STAB2: variants seen among roughly 807,000 people sequenced by gnomAD.
STAB2 encodes stabilin 2, also known as stabilin-2.
STAB2 carries 288 observed loss-of-function variants against 338.1 expected under a neutral mutation model. The observed-to-expected ratio is 0.85, with a 90% confidence interval of 0.77 to 0.94. The LOEUF is 0.94. STAB2 is among the 40% of genes least tolerant of loss of function. The pLI, the probability that STAB2 is intolerant of heterozygous loss-of-function variation, is 0.00. For synonymous variants in STAB2, 1,202 were observed against 1,193.3 expected, an observed-to-expected ratio of 1.01 and a Z score of -0.15; for missense variants, 3,141 against 3,210.1, an observed-to-expected ratio of 0.98 and a Z score of 0.52.
At chr12:103,598,146 T>C (rs763731069) in intron 3 of STAB2, among the ~76,000 whole-genome samples, 1 of 152,158 alleles carries the variant, frequency 6.6e-6, no homozygotes, top group Non-Finnish European at 1.5e-5. Flanking sequence ...CATATTTCAC[T>C]TCAGTTTCCC....
intron 40 of STAB2, among the ~76,000 whole-genome samples, chr12:103,712,143 C>T (rs553703097): frequency 6.6e-6 from 1 of 152,314 alleles, no homozygotes; most frequent in African/African-American, 2.4e-5. Context: ...TGAACTGACA[C>T]CTATATCTAT....
intron 15 of STAB2, chr12:103,657,527 G>A (rs1316022215): frequency 6.6e-6 from 1 of 152,176 alleles, no homozygotes; most frequent in East Asian, 1.9e-4. Flanking sequence ...CTCCAGAGTA[G>A]ATTGTGTACA....
chr12:103,697,580 G>C (rs780292641), intron 33 of STAB2, among the ~76,000 whole-genome samples: 12 of 152,178 alleles, frequency 7.9e-5, no homozygotes, highest in Non-Finnish European at 1.3e-4. Context: ...CTTTGAATTG[G>C]ATTTAAAACT....
chr12:103,756,724 T>A (rs569090070), intron 63 of STAB2, among the ~76,000 whole-genome samples: 1 of 152,202 alleles, frequency 6.6e-6, no homozygotes, highest in East Asian at 1.9e-4. Flanking sequence ...GAAAGGGCAC[T>A]GAGCATGAGT....
chr12:103,734,249 G>A lies in STAB2; in HGVS notation c.5460+1067G>A, dbSNP rs1462390954. 7.6e-5 allele frequency among the ~76,000 whole-genome samples: 11 copies of A among 144,746 alleles called. No homozygotes were observed. The South Asian group carries it at 1.6e-3, about 21-fold the overall frequency. 95.0% of individuals were successfully genotyped at this position (144,746 alleles called of 152,430 possible). ...AGGAGCAAACATCATAAAGGAGCAA[G>A]CATGATCACATAGGAGCAAGCAAGA... On this transcript the variant is annotated intron_variant, in intron 51 of 68. Transcript: ENST00000388887.
chr12:103,692,846 G>C lies in STAB2; in HGVS notation c.3332G>C (p.Gly1111Ala), dbSNP rs933997357. Reference sequence around the variant, plus strand: ...ATTGAAGGGGCCTCCATTGTCGATGGGGACAACGCAGCCACAAATGGAGTG... The same window carrying C: ...ATTGAAGGGGCCTCCATTGTCGATGCGGACAACGCAGCCACAAATGGAGTG... ...ITIEGASIVD[G>A]DNAATNGVIH... Residue 1111 changes from glycine (G) to alanine (A), a missense_variant, in exon 31 of 69, where the codon GGG (glycine) becomes GCG (alanine). Transcript: ENST00000388887. 1.2e-6 allele frequency: 2 copies of C among 1,613,722 alleles called. No homozygotes were observed. The highest frequency in any genetic ancestry group is 2.7e-5 in the African/African-American group (2 of 75,028).
At chr12:103,708,089 T>C (rs1200153258) in intron 38 of STAB2, among the ~76,000 whole-genome samples, 1 of 152,182 alleles carries the variant, frequency 6.6e-6, no homozygotes, top group Non-Finnish European at 1.5e-5. Flanking sequence ...AAGTCCATTC[T>C]TAAGGGGCAA....
At chr12:103,629,895 T>C (rs1269698128) in intron 5 of STAB2, among the ~76,000 whole-genome samples, 1 of 152,206 alleles carries the variant, frequency 6.6e-6, no homozygotes, top group African/African-American at 2.4e-5. Flanking sequence ...ATGTATTCCA[T>C]AAGTGTTTTG....
intron 6 of STAB2, among the ~76,000 whole-genome samples, chr12:103,633,320 C>T (rs1957493497): frequency 6.6e-6 from 1 of 152,232 alleles, no homozygotes; most frequent in Admixed American, 6.5e-5. Context: ...TTAAAATTCA[C>T]ATGGCAGATA....
rs61530772 is a variant in STAB2 at position 103,650,008 on chromosome 12, T to C, written c.1175-488T>C. ...TGGAAGCAGGATTACCTACATACTT[T>C]GCTGGGCCCACTGGAAAGTGAAAAT... On this transcript the variant is annotated intron_variant, in intron 10 of 68. Transcript: ENST00000388887. Among the ~76,000 whole-genome samples the C allele has an allele frequency of 5.4e-3, 821 of 152,302 alleles. 7 individuals are homozygous for C. The highest frequency in any genetic ancestry group is 0.019 in the African/African-American group (777 of 41,566).
rs547661979 is a variant in STAB2 at position 103,674,067 on chromosome 12, A to C, written c.2532A>C (p.Glu844Asp). 1 of 1,612,154 alleles carries C rather than the reference A, an allele frequency of 6.2e-7. No homozygotes were observed. The highest frequency in any genetic ancestry group is 2.2e-5 in the East Asian group (1 of 44,772). Reference protein sequence around the residue: ...VQFCHIHATCEYSNGTASCIC... With the variant: ...VQFCHIHATCDYSNGTASCIC... ...TCTGTCACATCCACGCCACCTGTGA[A>C]TACAGCAATGGGACAGCCAGGTAGG... The change falls in exon 23 of 69, where the codon GAA becomes GAC. Residue 844 changes from glutamate (E) to aspartate (D), a missense_variant. By Grantham distance (45) the Glu-to-Asp change is conservative (BLOSUM62 2). Coordinates refer to ENST00000388887, the MANE Select transcript of STAB2 (RefSeq NM_017564.10).
Position 103,715,714 on chromosome 12 carries a change from C to T in STAB2, c.4538-101C>T, listed in dbSNP as rs998605077. The T allele has an allele frequency of 1.3e-4, 169 of 1,333,300 alleles. 1 individual carries two copies. The highest frequency in any genetic ancestry group is 3.2e-5 in the Non-Finnish European group (30 of 935,196). The allele number at this position is 1,333,300 out of a possible 1,614,324, so 82.6% of individuals were successfully genotyped here. A position where few individuals can be genotyped will look rare whatever the true frequency, so the allele number is the denominator to read the frequency against. ...AAACTGAATCATGCTTTGACACCCG[C>T]TCCCTTCAGTCAGTTAGCCATCTTA... On this transcript the variant is annotated intron_variant, in intron 42 of 68. Transcript: ENST00000388887.
chr12:103,653,843 G>GATGT (rs1253080954), intron 12 of STAB2, among the ~76,000 whole-genome samples: 5 of 21,386 alleles, frequency 2.3e-4, no homozygotes, highest in African/African-American at 8.8e-4. Context: ...CGGATGGGTG[G>GATGT]ATGGATGGAT....
intron 42 of STAB2, 50 bp downstream of exon 42, chr12:103,713,818 C>T: frequency 6.2e-7 from 1 of 1,605,788 alleles, no homozygotes; most frequent in Non-Finnish European, 8.5e-7. Flanking sequence ...GAGTCATAGC[C>T]CTATTAAATG....
intron 9 of STAB2, among the ~76,000 whole-genome samples, chr12:103,645,527 T>G (rs563373824): frequency 8.6e-4 from 131 of 152,312 alleles, no homozygotes; most frequent in African/African-American, 3.0e-3. Context: ...CTGTTAACAG[T>G]TGTCTTCAAA....
At chr12:103,755,068 G>A (rs1883991024) in intron 61 of STAB2, 1 of 522,808 alleles carries the variant, frequency 1.9e-6, no homozygotes, top group South Asian at 3.0e-5. Context: ...GAAGAGAAAT[G>A]AGTATGAAAG....
intron 38 of STAB2, 23 bp from the exon 39 acceptor site, chr12:103,708,418 T>G (rs772805679): frequency 1.9e-6 from 3 of 1,611,286 alleles, no homozygotes; most frequent in Non-Finnish European, 1.7e-6. Flanking sequence ...ATCTGACGAT[T>G]TGCAGGTGAT....
At chr12:103,647,428 A>G (rs1438862158) in intron 9 of STAB2, among the ~76,000 whole-genome samples, 3 of 152,102 alleles carry the variant, frequency 2.0e-5, no homozygotes, top group African/African-American at 7.2e-5. Flanking sequence ...ATGTAGTCAC[A>G]GCACATCTTT....
At chr12:103,736,507 T>C (rs942773938) in intron 52 of STAB2, among the ~76,000 whole-genome samples, 2 of 152,176 alleles carry the variant, frequency 1.3e-5, no homozygotes, top group Non-Finnish European at 2.9e-5. Context: ...GTTATCCCAG[T>C]GTGCACTCTT....
Sources: gnomAD v4.1 joint callset for allele counts (sites outside exome capture counted in the v4.1 genomes callset) on GRCh38, gnomAD v4.1.1 for gene constraint, MANE v1.5 for transcripts, NCBI Gene and HGNC (gene_info 2026-07-23, HGNC 2026-07-21) for gene names.